Variants in GNG7 observed in about 807,000 individuals in gnomAD.
The protein encoded by GNG7 is G protein subunit gamma 7.
In GNG7, 1 loss-of-function variant was observed where a neutral mutation model predicts 4.0. That is an observed-to-expected ratio of 0.25 (90% CI 0.09 to 1.18). GNG7 has a LOEUF of 1.18. GNG7 is among the 50% of genes most tolerant of loss of function. The pLI is 0.50. For missense variants in GNG7, 86 were observed against 91.9 expected (o/e 0.94, Z 0.26); for synonymous variants, 34 against 36.9 (o/e 0.92, Z 0.29).
chr19:2,612,740 C>T (rs1475984729), intron 2 of GNG7, among the ~76,000 whole-genome samples: 6 of 113,412 alleles, frequency 5.3e-5, no homozygotes, highest in Admixed American at 2.6e-4. Flanking sequence ...CTTGCTGTGT[C>T]GCCCAGGCAG....
chr19:2,539,570 G>T (rs537172115), intron 3 of GNG7, among the ~76,000 whole-genome samples: 8 of 152,076 alleles, frequency 5.3e-5, no homozygotes, highest in African/African-American at 9.7e-5. Context: ...CTCCCAAAGC[G>T]CTGGGATTAC....
chr19:2,678,166 C>T (rs753792928), intron 1 of GNG7, among the ~76,000 whole-genome samples: 1 of 152,108 alleles, frequency 6.6e-6, no homozygotes, highest in African/African-American at 2.4e-5. Context: ...GAGGAGGTGG[C>T]GGTGGCCGAC....
chr19:2,688,000 C>T (rs913263222), intron 1 of GNG7, among the ~76,000 whole-genome samples: 102 of 144,876 alleles, frequency 7.0e-4, no homozygotes, highest in East Asian at 2.3e-3. Flanking sequence ...CGCCTGTAAT[C>T]CCAGCACTTT....
In GNG7 at chr19:2,551,590, C is replaced by CATATATTTATAAATATGT. The variant is rs1979326686; in HGVS notation, c.-38+3558_-38+3559insACATATTTATAAATATAT. On this transcript the variant is annotated intron_variant, in intron 3 of 4. Transcript: ENST00000382159. Reference sequence around the variant, plus strand: ...CTATTATCTATAATATATAAATATGCATTTATAAATATATAAACAAATATA... The same window carrying CATATATTTATAAATATGT: ...CTATTATCTATAATATATAAATATGCATATATTTATAAATATGTATTTATAAATATATAAACAAATATA... Among the ~76,000 whole-genome samples the CATATATTTATAAATATGT allele has an allele frequency of 2.4e-5, 3 of 122,568 alleles. 1 individual carries two copies. Among genetic ancestry groups the CATATATTTATAAATATGT allele is most frequent in the African/African-American group, 9.1e-5 (3 of 32,860 alleles). The allele number at this position is 122,568 out of a possible 152,430, so 80.4% of individuals were successfully genotyped here. A position where few individuals can be genotyped will look rare whatever the true frequency, so the allele number is the denominator to read the frequency against.
At chr19:2,645,396 G>C (rs372116783) in intron 2 of GNG7, among the ~76,000 whole-genome samples, 14 of 151,800 alleles carry the variant, frequency 9.2e-5, no homozygotes, top group African/African-American at 3.1e-4. Flanking sequence ...CTGCCACCAC[G>C]CCTGGCTGAT....
chr19:2,645,143 G>A (rs905936156), intron 2 of GNG7, among the ~76,000 whole-genome samples: 4 of 152,110 alleles, frequency 2.6e-5, no homozygotes, highest in Admixed American at 2.0e-4. Flanking sequence ...AAAGCAGGAA[G>A]ATCACTTGAG....
intron 3 of GNG7, among the ~76,000 whole-genome samples, chr19:2,553,553 T>C (rs73518303): frequency 0.23 from 33,866 of 148,720 alleles, 3,922 homozygotes; most frequent in East Asian, 0.25. Context: ...TACATATATG[T>C]AATATCACAT....
At chr19:2,697,989 G>A (rs114146660) in intron 1 of GNG7, among the ~76,000 whole-genome samples, 2,543 of 151,828 alleles carry the variant, frequency 0.017, 79 homozygotes, top group African/African-American at 0.059. Flanking sequence ...AAGACAGGCC[G>A]GGTGCGGGGG....
intron 3 of GNG7, among the ~76,000 whole-genome samples, chr19:2,544,639 C>T (rs1321430714): frequency 2.0e-5 from 3 of 152,196 alleles, no homozygotes; most frequent in African/African-American, 7.2e-5. Flanking sequence ...GATCTGCCCA[C>T]CTTGGCCTCT....
At chr19:2,601,219 G>C (rs1296431788) in intron 2 of GNG7, among the ~76,000 whole-genome samples, 1 of 152,148 alleles carries the variant, frequency 6.6e-6, no homozygotes, top group East Asian at 1.9e-4. Context: ...TGTGTTCTTT[G>C]CATCCATTCT....
intron 4 of GNG7, among the ~76,000 whole-genome samples, chr19:2,519,265 C>G (rs555788444): frequency 6.6e-6 from 1 of 151,104 alleles, no homozygotes; most frequent in African/African-American, 2.4e-5. Context: ...ATTCTCCTGC[C>G]TCAGCCTCCC....
At chr19:2,583,841 G>A (rs1377015888) in intron 2 of GNG7, among the ~76,000 whole-genome samples, 1 of 152,026 alleles carries the variant, frequency 6.6e-6, no homozygotes, top group African/African-American at 2.4e-5. Context: ...CACTAAAAAG[G>A]ATGTCGCAAA....
intron 1 of GNG7, among the ~76,000 whole-genome samples, chr19:2,673,898 A>C (rs1983529973): frequency 6.6e-6 from 1 of 152,168 alleles, no homozygotes; most frequent in South Asian, 2.1e-4. Context: ...TTCTTAGGAT[A>C]CATTTGTGAT....
chr19:2,527,778 C>G (rs1014456506), intron 3 of GNG7, among the ~76,000 whole-genome samples: 1 of 151,590 alleles, frequency 6.6e-6, no homozygotes, highest in Admixed American at 6.6e-5. Context: ...CAGGAAACCC[C>G]CCCCCCCACC....
rs527270432 is a variant in GNG7 at position 2,546,744 on chromosome 19, C to G, written c.-38+8405G>C. 6.6e-6 allele frequency among the ~76,000 whole-genome samples: 1 copy of G among 152,120 alleles called. No individual in the cohort carries two copies. Among genetic ancestry groups the G allele is most frequent in the African/African-American group, 2.4e-5 (1 of 41,414 alleles). ...GCCGCCAGTGTGGGTTTGGTCGCCG[C>G]GGTGACGGGAGCAGGAGAAAAGAAA... On this transcript the variant is annotated intron_variant, in intron 3 of 4. Coordinates refer to ENST00000382159, the MANE Select transcript of GNG7 (RefSeq NM_052847.3). This position sits in a 1 kb window ranked among gnomAD's most constrained non-coding sequence, Gnocchi z 6.3.
At chr19:2,578,011 T>A (rs950360261) in intron 2 of GNG7, among the ~76,000 whole-genome samples, 1 of 151,688 alleles carries the variant, frequency 6.6e-6, no homozygotes, top group Non-Finnish European at 1.5e-5. Context: ...CTAATTCTTT[T>A]ATTTTTTTGT....
At chr19:2,530,022 G>A (rs1172117349) in intron 3 of GNG7, among the ~76,000 whole-genome samples, 1 of 152,184 alleles carries the variant, frequency 6.6e-6, no homozygotes, top group Non-Finnish European at 1.5e-5. Flanking sequence ...AAACGACTTG[G>A]ACTTTGGGTT....
intron 2 of GNG7, among the ~76,000 whole-genome samples, chr19:2,629,997 T>G (rs900495900): frequency 2.0e-5 from 3 of 151,898 alleles, no homozygotes; most frequent in Admixed American, 6.6e-5. Context: ...CCTCTGAATC[T>G]GTAATGATTT....
Position 2,624,296 on chromosome 19 carries a change from G to A in GNG7, c.-78+21928C>T, listed in dbSNP as rs187530898. ...TGTAATCCCAGCACTTTGGGAGGCC[G>A]AGGTGGAAGGATCACGAGGTCAGGA... On this transcript the variant is annotated intron_variant, in intron 2 of 4. Coordinates refer to ENST00000382159, the MANE Select transcript of GNG7 (RefSeq NM_052847.3). Among the ~76,000 whole-genome samples, 123 of 152,168 alleles carry A rather than the reference G, an allele frequency of 8.1e-4. 1 individual carries two copies. The East Asian group carries it at 0.019, about 24-fold the overall frequency.
Sources: allele counts gnomAD v4.1 joint callset (sites outside exome capture counted in the v4.1 genomes callset), GRCh38; gene constraint gnomAD v4.1.1; non-coding constraint Gnocchi (gnomAD v3.1); transcripts MANE v1.5; gene names NCBI Gene and HGNC (gene_info 2026-07-23, HGNC 2026-07-21).